The following CAMKK2 variants were observed in gnomAD, a reference collection of about 807,000 sequenced individuals.
The protein encoded by CAMKK2 is calcium/calmodulin-dependent protein kinase kinase 2.
CAMKK2 carries 30 observed loss-of-function variants against 67.2 expected under a neutral mutation model. The ratio of observed to expected loss-of-function variants is 0.45; its 90% CI spans 0.33 to 0.61. The LOEUF (loss-of-function observed/expected upper bound fraction) is 0.61. Ranked by LOEUF, CAMKK2 falls within the 20% of genes least tolerant of loss-of-function variation. CAMKK2 has a pLI of 0.02. For synonymous variants in CAMKK2, 322 were observed against 326.2 expected (o/e 0.99, Z 0.14); for missense variants, 643 against 802.0 (o/e 0.80, Z 2.39).
chr12:121,281,355 T>A lies in CAMKK2; in HGVS notation c.-59-6770A>T, dbSNP rs1337079609. Among the ~76,000 whole-genome samples, 4 of 152,250 alleles carry A rather than the reference T, an allele frequency of 2.6e-5. No individual in the cohort carries two copies. The South Asian group carries it at 8.3e-4, about 32-fold the overall frequency. On this transcript the variant is annotated intron_variant, in intron 1 of 16. Coordinates refer to ENST00000404169, the MANE Select transcript of CAMKK2 (RefSeq NM_001270485.2). ...TGCAGGCTCCCCTGAGGTTGCCTCA[T>A]CCCGGGCACAACAAAAAGGCCCAAA... is the stretch of plus-strand genomic sequence containing the variant.
chr12:121,249,710 CA>C (rs1425136374), intron 13 of CAMKK2, 76 bp downstream of exon 13: 3 of 1,182,994 alleles, frequency 2.5e-6, no homozygotes, highest in East Asian at 2.3e-5. Context: ...GCTGTGGACA[CA>C]AGGGTGTGGG....
Position 121,240,649 on chromosome 12 carries a change from G to GC in CAMKK2, c.*49dup, listed in dbSNP as rs778294517. ...GCTGCTATGGAAACGCGGTGCAGCA[G>GC]CCCCCCAGAGGCGACGCGGCGCGCA... On this transcript the variant is annotated 3_prime_UTR_variant, in exon 17 of 17. Coordinates refer to ENST00000404169, the MANE Select transcript of CAMKK2 (RefSeq NM_001270485.2). This position sits in a 1 kb window ranked among gnomAD's most constrained non-coding sequence, Gnocchi z 4.4. The GC allele has an allele frequency of 6.3e-5, 97 of 1,544,818 alleles. No individual in the cohort carries two copies. Among genetic ancestry groups the GC allele is most frequent in the Middle Eastern group, 3.6e-4 (2 of 5,594 alleles).
At chr12:121,290,668 C>T (rs924734132) in intron 1 of CAMKK2, among the ~76,000 whole-genome samples, 9 of 151,950 alleles carry the variant, frequency 5.9e-5, no homozygotes, top group African/African-American at 1.9e-4. Context: ...CCAGCCTGGG[C>T]GAGTGAGTGA....
chr12:121,249,796 C>T lies in CAMKK2; in HGVS notation c.1314G>A (p.Pro438=), dbSNP rs536615144. Residue 438 remains proline, a synonymous_variant, in exon 13 of 17, where the codon CCG becomes CCA. Transcript: ENST00000404169. ...GCTGAGCCAAGGGTACCTTGATTTC[C>T]GGCACCACGATCCTCGACTCGGGGT... ...DKNPESRIVV[P]EIKLHPWVTR... The T allele has an allele frequency of 4.1e-5, 66 of 1,613,868 alleles. No individual in the cohort carries two copies. Among genetic ancestry groups the T allele is most frequent in the Middle Eastern group, 1.6e-4 (1 of 6,062 alleles).
intron 5 of CAMKK2, 56 bp downstream of exon 5, chr12:121,268,582 T>C: frequency 6.6e-7 from 1 of 1,524,584 alleles, no homozygotes. Context: ...TTCAGGGGGC[T>C]CTGCCCTGTC....
chr12:121,268,106 TTC>T (rs1555256930), intron 5 of CAMKK2, among the ~76,000 whole-genome samples: 3 of 60,086 alleles, frequency 5.0e-5, no homozygotes, highest in South Asian at 4.5e-4. Flanking sequence ...ATATACTCTA[TTC>T]ATATTACTTT....
intron 1 of CAMKK2, among the ~76,000 whole-genome samples, chr12:121,278,553 C>A (rs895039260): frequency 6.6e-6 from 1 of 152,168 alleles, no homozygotes; most frequent in African/African-American, 2.4e-5. Context: ...ATCACGGGGG[C>A]GGGTTCCCCC....
At position 121,238,707 on chromosome 12, in the gene CAMKK2, T is replaced by C. The variant is rs1887908875; in HGVS notation, c.*1992A>G. Reference sequence around the variant, plus strand: ...AATGGCATTGTCTGATGCAGCTGTGTAAACAAGAGAAGCCCTGCAGAAGCT... The same window carrying C: ...AATGGCATTGTCTGATGCAGCTGTGCAAACAAGAGAAGCCCTGCAGAAGCT... On this transcript the variant is annotated 3_prime_UTR_variant, in exon 17 of 17. Coordinates refer to ENST00000404169, the MANE Select transcript of CAMKK2 (RefSeq NM_001270485.2). The C allele has an allele frequency of 6.6e-6, 1 of 152,502 alleles. No individual in the cohort carries two copies. Among genetic ancestry groups the C allele is most frequent in the African/African-American group, 2.4e-5 (1 of 41,424 alleles). 9.4% of individuals were successfully genotyped at this position (152,502 alleles called of 1,614,324 possible). A position where few individuals can be genotyped will look rare whatever the true frequency, so the allele number is the denominator to read the frequency against.
chr12:121,277,323 G>A (rs572516502), intron 1 of CAMKK2, among the ~76,000 whole-genome samples: 1 of 152,328 alleles, frequency 6.6e-6, no homozygotes, highest in East Asian at 1.9e-4. Flanking sequence ...AGGCAGCCTG[G>A]TGGCTCCCCA....
chr12:121,279,269 G>A (rs888766616), intron 1 of CAMKK2, among the ~76,000 whole-genome samples: 1 of 152,202 alleles, frequency 6.6e-6, no homozygotes, highest in Non-Finnish European at 1.5e-5. Context: ...GGACGTCGGC[G>A]CTGGCAGGGC....
chr12:121,270,842 G>C (rs1175428968), intron 3 of CAMKK2, 56 bp downstream of exon 3: 1 of 1,400,530 alleles, frequency 7.1e-7, no homozygotes, highest in African/African-American at 1.4e-5. Flanking sequence ...TCCCTCCACA[G>C]TATCTGAACG....
intron 1 of CAMKK2, among the ~76,000 whole-genome samples, chr12:121,280,715 T>C (rs1314689297): frequency 6.6e-6 from 1 of 152,110 alleles, no homozygotes; most frequent in Non-Finnish European, 1.5e-5. Flanking sequence ...AGAGGTGAGA[T>C]AGACTCCAGT....
intron 16 of CAMKK2, chr12:121,243,690 T>G (rs1593260838): frequency 9.2e-6 from 2 of 216,366 alleles, no homozygotes; most frequent in Non-Finnish European, 1.7e-5. Flanking sequence ...AGCTAAGGAG[T>G]GTAGGGTGTC....
At chr12:121,254,247 C>T (rs576106738) in intron 9 of CAMKK2, among the ~76,000 whole-genome samples, 1 of 152,176 alleles carries the variant, frequency 6.6e-6, no homozygotes, top group East Asian at 1.9e-4. Context: ...CACCTGAGGT[C>T]AGGAGTTCAA....
At chr12:121,260,418 T>A in intron 6 of CAMKK2, 63 bp from the exon 7 acceptor site, 1 of 1,490,246 alleles carries the variant, frequency 6.7e-7, no homozygotes, top group African/African-American at 1.4e-5. Flanking sequence ...AGAGAATAGA[T>A]ATGAGCAGGG....
intron 7 of CAMKK2, 107 bp downstream of exon 7, chr12:121,260,212 C>T: frequency 1.1e-6 from 1 of 924,070 alleles, no homozygotes. Context: ...AAAGGGAAAG[C>T]TGTCTTTGGT....
At chr12:121,270,170 G>C (rs1056946256) in intron 3 of CAMKK2, among the ~76,000 whole-genome samples, 7 of 152,078 alleles carry the variant, frequency 4.6e-5, no homozygotes, top group African/African-American at 1.7e-4. Context: ...TCAGGTTTGA[G>C]AACAGCCTGG....
chr12:121,245,208 G>A lies in CAMKK2; in HGVS notation c.1485C>T (p.Ser495=), dbSNP rs546294180. 6.2e-7 allele frequency: 1 copy of A among 1,608,606 alleles called. No homozygotes were observed. Among genetic ancestry groups the A allele is most frequent in the South Asian group, 1.1e-5 (1 of 89,892 alleles). ...ILVKTMIRKR[S]FGNPFEGSRR... is the part of the protein sequence containing the mutation. ...GGCTGCCCTCGAATGGGTTCCCAAAGGAGCGTTTACGTATCATGGTCTTCA... is the reference window on the plus strand; with the variant it reads ...GGCTGCCCTCGAATGGGTTCCCAAAAGAGCGTTTACGTATCATGGTCTTCA... Residue 495 remains serine (S), a synonymous_variant, in exon 15 of 17, where the codon TCC becomes TCT. Transcript: ENST00000404169. This position sits in a 1 kb window ranked among gnomAD's most constrained non-coding sequence, Gnocchi z 5.8.
chr12:121,287,749 C>T (rs938210134), intron 1 of CAMKK2, among the ~76,000 whole-genome samples: 6 of 152,256 alleles, frequency 3.9e-5, no homozygotes, highest in South Asian at 4.1e-4. Context: ...GCAGGAAGAT[C>T]GCTTGAGGCC....
Sources: allele counts gnomAD v4.1 joint callset (sites outside exome capture counted in the v4.1 genomes callset), GRCh38; gene constraint gnomAD v4.1.1; non-coding constraint Gnocchi (gnomAD v3.1); transcripts MANE v1.5; gene names NCBI Gene and HGNC (gene_info 2026-07-23, HGNC 2026-07-21).